Variants in NEDD1 observed in about 807,000 individuals in gnomAD.
NEDD1 encodes the protein protein NEDD1.
NEDD1 carries 33 observed loss-of-function variants against 74.0 expected under a neutral mutation model. That is an observed-to-expected ratio of 0.45 (90% CI 0.34 to 0.60). The LOEUF is 0.60. NEDD1 is among the 20% of genes least tolerant of loss of function. The probability of loss-of-function intolerance (pLI) is 0.01; values close to 1 mark genes in which losing one functional copy is unlikely to be tolerated. For synonymous variants in NEDD1, 250 were observed against 264.4 expected, an observed-to-expected ratio of 0.95 and a Z score of 0.53; for missense variants, 746 against 776.5, an observed-to-expected ratio of 0.96 and a Z score of 0.47.
chr12:96,940,569 C>T, intron 10 of NEDD1, 32 bp downstream of exon 10: 1 of 1,506,176 alleles, frequency 6.6e-7, no homozygotes, highest in Non-Finnish European at 9.1e-7. Flanking sequence ...TGTTCTCTTG[C>T]TGGTAGTTAA....
At chr12:96,926,773 A>C (rs1875743852) in intron 6 of NEDD1, among the ~76,000 whole-genome samples, 1 of 152,066 alleles carries the variant, frequency 6.6e-6, no homozygotes, top group South Asian at 2.1e-4. Flanking sequence ...CAGGCAGATC[A>C]CTTGAGCCCA....
chr12:96,930,612 A>G (rs1049564594), intron 6 of NEDD1, among the ~76,000 whole-genome samples: 15 of 152,148 alleles, frequency 9.9e-5, no homozygotes, highest in African/African-American at 3.6e-4. Context: ...CCAAACTCCC[A>G]GAAGGAAATT....
intron 10 of NEDD1, among the ~76,000 whole-genome samples, chr12:96,942,220 C>T: frequency 6.6e-6 from 1 of 152,072 alleles, no homozygotes; most frequent in East Asian, 1.9e-4. Context: ...GAAACTGAAA[C>T]TTAATTGCAT....
At chr12:96,941,578 G>C (rs1877666938) in intron 10 of NEDD1, among the ~76,000 whole-genome samples, 1 of 152,078 alleles carries the variant, frequency 6.6e-6, no homozygotes, top group African/African-American at 2.4e-5. Flanking sequence ...AGTGACTAGT[G>C]CTGGAGTTGA....
chr12:96,925,212 G>A (rs1383541751), intron 6 of NEDD1, among the ~76,000 whole-genome samples: 1 of 152,170 alleles, frequency 6.6e-6, no homozygotes, highest in African/African-American at 2.4e-5. Context: ...AGGAAATGAT[G>A]TCTCAGTGGT....
rs1341067558 is a variant in NEDD1, at chr12:96,953,718, T to C, written c.*1665T>C. 3 of 151,844 alleles carry C rather than the reference T, an allele frequency of 2.0e-5. No individual in the cohort carries two copies. Among genetic ancestry groups the C allele is most frequent in the Non-Finnish European group, 2.9e-5 (2 of 67,822 alleles). 9.4% of individuals were successfully genotyped at this position (151,844 alleles called of 1,614,324 possible). The stretch of plus-strand genomic sequence containing the variant: ...GAAACATGAAATTGAAATTTCATTG[T>C]TGGCCAAAATGATATGAGAGATTTA... On this transcript the variant is annotated 3_prime_UTR_variant, in exon 16 of 16. Coordinates refer to ENST00000266742, the MANE Select transcript of NEDD1 (RefSeq NM_152905.4).
chr12:96,935,390 A>C (rs903098258), intron 7 of NEDD1, among the ~76,000 whole-genome samples, 185 bp downstream of exon 7: 1 of 152,184 alleles, frequency 6.6e-6, no homozygotes, highest in Non-Finnish European at 1.5e-5. Flanking sequence ...TGCAGGTAGT[A>C]TTTAGGGTAC....
intron 4 of NEDD1, 108 bp downstream of exon 4, chr12:96,912,925 ATT>A: frequency 1.7e-6 from 1 of 597,074 alleles, no homozygotes; most frequent in Non-Finnish European, 3.0e-6. Context: ...TAAAAGCATT[ATT>A]TTTAACTTAA....
At chr12:96,944,566 T>C in intron 12 of NEDD1, 73 bp from the exon 13 acceptor site, 3 of 863,588 alleles carry the variant, frequency 3.5e-6, no homozygotes, top group Non-Finnish European at 3.5e-6. Context: ...AAGAGAGAAG[T>C]AGGCAAAAAT....
chr12:96,914,959 A>G (rs1359285026), intron 4 of NEDD1, among the ~76,000 whole-genome samples: 4 of 152,206 alleles, frequency 2.6e-5, no homozygotes, highest in African/African-American at 4.8e-5. Flanking sequence ...GAGTCCCAAT[A>G]TATTGATCTT....
intron 3 of NEDD1, 188 bp from the exon 4 acceptor site, chr12:96,912,535 A>G: frequency 2.4e-6 from 1 of 422,814 alleles, no homozygotes; most frequent in Non-Finnish European, 4.2e-6. Flanking sequence ...TCTTCCCTGC[A>G]GTAGTAGCAA....
At chr12:96,912,853 T>C in intron 4 of NEDD1, 36 bp downstream of exon 4, 1 of 1,137,220 alleles carries the variant, frequency 8.8e-7, no homozygotes. Flanking sequence ...CTTTTAAAAA[T>C]CTTAGTTTTG....
At chr12:96,949,201 T>C (rs2136629033) in intron 14 of NEDD1, among the ~76,000 whole-genome samples, 1 of 152,322 alleles carries the variant, frequency 6.6e-6, no homozygotes, top group South Asian at 2.1e-4. Flanking sequence ...TACCTAGTAG[T>C]CTTTCGTTTG....
intron 6 of NEDD1, among the ~76,000 whole-genome samples, chr12:96,930,395 A>G (rs1043570882): frequency 7.9e-5 from 12 of 152,160 alleles, no homozygotes; most frequent in African/African-American, 1.2e-4. Context: ...AGAAAAGTGC[A>G]TGGGGTGAAG....
chr12:96,948,370 T>A (rs1170608707), intron 14 of NEDD1, among the ~76,000 whole-genome samples: 2 of 152,172 alleles, frequency 1.3e-5, no homozygotes, highest in Non-Finnish European at 2.9e-5. Flanking sequence ...ACTTGGCTTT[T>A]AAAAATCTTA....
At chr12:96,929,058 T>C (rs541851436) in intron 6 of NEDD1, among the ~76,000 whole-genome samples, 2 of 152,060 alleles carry the variant, frequency 1.3e-5, no homozygotes, top group South Asian at 4.1e-4. Flanking sequence ...TAAATTATAA[T>C]TTTTAGTATT....
chr12:96,950,587 A>G (rs764576816), intron 14 of NEDD1, among the ~76,000 whole-genome samples: 2 of 152,018 alleles, frequency 1.3e-5, no homozygotes, highest in Non-Finnish European at 2.9e-5. Context: ...TCTTAAATAT[A>G]AGCTATATGG....
Position 96,937,335 on chromosome 12 carries a change from A to T in NEDD1, c.1059A>T (p.Leu353=). 1 of 1,612,354 alleles carries T rather than the reference A, an allele frequency of 6.2e-7. No individual in the cohort carries two copies. Among genetic ancestry groups the T allele is most frequent in the Non-Finnish European group, 8.5e-7 (1 of 1,178,984 alleles). ...EAPATSIATV[L]PQPMTSAMGK... ...CTGCCACGTCCATTGCCACAGTTCT[A>T]CCACAACCTATGACATCAGCTATGG... The change falls in exon 9 of 16, where the codon CTA becomes CTT. Residue 353 remains leucine (L), a synonymous_variant. Transcript: ENST00000266742.
In NEDD1 at chr12:96,937,348, A is replaced by G. The variant is rs200008061; in HGVS notation, c.1072A>G (p.Thr358Ala). The G allele has an allele frequency of 5.6e-6, 9 of 1,611,208 alleles. No individual in the cohort carries two copies. Among genetic ancestry groups the G allele is most frequent in the Non-Finnish European group, 7.6e-6 (9 of 1,178,422 alleles). ...SIATVLPQPM[T>A]SAMGKGTVAV... The stretch of plus-strand genomic sequence containing the variant: ...TGCCACAGTTCTACCACAACCTATG[A>G]CATCAGCTATGGGGAAAGGAACAGT... The change falls in exon 9 of 16, where the codon ACA becomes GCA. Residue 358 changes from threonine to alanine, a missense_variant. By Grantham distance (58) the Thr-to-Ala change is moderately conservative. This residue lies in a region of NEDD1 where 706 missense variants were observed against 706.7 expected (regional missense o/e 1.00). Coordinates refer to ENST00000266742, the MANE Select transcript of NEDD1 (RefSeq NM_152905.4).
Sources: allele counts gnomAD v4.1 joint callset (sites outside exome capture counted in the v4.1 genomes callset), GRCh38; gene constraint gnomAD v4.1.1; regional missense constraint gnomAD v4.1.1; transcripts MANE v1.5; gene names NCBI Gene and HGNC (gene_info 2026-07-23, HGNC 2026-07-21).